Variants in RPGRIP1L observed in about 807,000 individuals in gnomAD.
The protein encoded by RPGRIP1L is protein fantom.
RPGRIP1L carries 131 observed loss-of-function variants against 160.4 expected under a neutral mutation model. The ratio of observed to expected loss-of-function variants is 0.82; its 90% CI spans 0.71 to 0.94. The LOEUF (loss-of-function observed/expected upper bound fraction) is 0.94. RPGRIP1L is among the 40% of genes least tolerant of loss of function. The probability of loss-of-function intolerance (pLI) is 0.00; values close to 1 mark genes in which losing one functional copy is unlikely to be tolerated. For missense variants in RPGRIP1L, 1,522 were observed against 1,535.8 expected (o/e 0.99, Z 0.15); for synonymous variants, 510 against 515.8 (o/e 0.99, Z 0.15).
intron 8 of RPGRIP1L, among the ~76,000 whole-genome samples, chr16:53,672,419 A>C (rs1465247186): frequency 2.0e-5 from 3 of 152,156 alleles, no homozygotes; most frequent in Non-Finnish European, 4.4e-5. Context: ...AAATACTACG[A>C]TAATAGGAAG....
intron 16 of RPGRIP1L, among the ~76,000 whole-genome samples, chr16:53,646,699 T>G (rs1406146684): frequency 1.3e-5 from 2 of 152,202 alleles, no homozygotes; most frequent in Non-Finnish European, 2.9e-5. Context: ...TGATGTAATC[T>G]GGAACAAAGA....
chr16:53,667,066 A>G lies in RPGRIP1L; in HGVS notation c.1104-2057T>C, dbSNP rs991019289. ...GGGCTGTACACATGATTAAATCTGC[A>G]TATGAGAACAGTCTTTGAGAACTTT... On this transcript the variant is annotated intron_variant, in intron 9 of 26. Coordinates refer to ENST00000647211, the MANE Select transcript of RPGRIP1L (RefSeq NM_015272.5). 3.3e-5 allele frequency among the ~76,000 whole-genome samples: 5 copies of G among 152,216 alleles called. No individual in the cohort carries two copies. The South Asian group carries it at 1.0e-3, about 32-fold the overall frequency.
At chr16:53,619,891 T>C (rs1439142982) in intron 23 of RPGRIP1L, among the ~76,000 whole-genome samples, 2 of 152,220 alleles carry the variant, frequency 1.3e-5, no homozygotes, top group South Asian at 2.1e-4. Context: ...CCTTGCTTAA[T>C]AGATTTTGGT....
rs139802124 is a variant in RPGRIP1L at position 53,685,907 on chromosome 16, G to A, written c.776+526C>T. On this transcript the variant is annotated intron_variant, in intron 6 of 26. Transcript: ENST00000647211. ...ACAAAAAAAGTTTTTTAATGTCATA[G>A]ATGAAAAGGCAGCAAGGAGACTATC... Among the ~76,000 whole-genome samples the A allele has an allele frequency of 1.8e-4, 28 of 152,290 alleles. No individual in the cohort carries two copies. The East Asian group carries it at 5.2e-3, about 28-fold the overall frequency.
At chr16:53,608,324 ACTTT>A (rs1963814425) in intron 25 of RPGRIP1L, among the ~76,000 whole-genome samples, 1 of 152,122 alleles carries the variant, frequency 6.6e-6, no homozygotes, top group Admixed American at 6.5e-5. Flanking sequence ...TTTCACTGTT[ACTTT>A]CTATTTTGGC....
rs181731431 is a variant in RPGRIP1L, at chr16:53,700,726, C to G, written c.-3G>C. 53 of 1,611,316 alleles carry G rather than the reference C, an allele frequency of 3.3e-5. No homozygotes were observed. In the African/African-American group the frequency reaches 5.7e-4, roughly 17 times the overall value. On this transcript the variant is annotated 5_prime_UTR_variant, in exon 2 of 27. Transcript: ENST00000647211. ...GTCTCATCAGTTGGACCAGACATGG[C>G]CTAGCTGTGGAAAAAAGAAAATTCA... is the stretch of plus-strand genomic sequence containing the variant.
chr16:53,677,722 T>C (rs1431423972), intron 6 of RPGRIP1L, among the ~76,000 whole-genome samples: 1 of 152,166 alleles, frequency 6.6e-6, no homozygotes, highest in Non-Finnish European at 1.5e-5. Context: ...AACACGGAGC[T>C]AGGGTGTTTA....
At chr16:53,641,256 TA>T in intron 18 of RPGRIP1L, 28 bp downstream of exon 18, 1 of 1,604,860 alleles carries the variant, frequency 6.2e-7, no homozygotes, top group Non-Finnish European at 8.5e-7. Context: ...TTTATACTTG[TA>T]AAAAAATTAA....
intron 26 of RPGRIP1L, among the ~76,000 whole-genome samples, chr16:53,605,125 G>A (rs901897636): frequency 6.6e-6 from 1 of 151,898 alleles, no homozygotes; most frequent in African/African-American, 2.4e-5. Context: ...AGGCTGCAGT[G>A]AGCCAAGACT....
chr16:53,656,876 C>T (rs564724171), intron 13 of RPGRIP1L, among the ~76,000 whole-genome samples: 2 of 152,152 alleles, frequency 1.3e-5, no homozygotes. Context: ...ATAACTCACT[C>T]GCAGAATGTG....
intron 6 of RPGRIP1L, among the ~76,000 whole-genome samples, chr16:53,679,893 T>C (rs1204797925): frequency 2.6e-5 from 4 of 152,176 alleles, no homozygotes; most frequent in African/African-American, 9.6e-5. Context: ...TTCAGGTGGT[T>C]AACTGAGGCT....
chr16:53,613,151 A>C (rs1359294965), intron 24 of RPGRIP1L, among the ~76,000 whole-genome samples: 1 of 152,172 alleles, frequency 6.6e-6, no homozygotes, highest in African/African-American at 2.4e-5. Context: ...TTATCCACTT[A>C]TCCTGTGATA....
At chr16:53,608,068 C>T in intron 25 of RPGRIP1L, 2 of 524,294 alleles carry the variant, frequency 3.8e-6, no homozygotes, top group Non-Finnish European at 4.9e-6. Flanking sequence ...TGAGCTACTC[C>T]TGCCTCCTCT....
chr16:53,697,981 C>T (rs375700909), intron 2 of RPGRIP1L, among the ~76,000 whole-genome samples: 30 of 149,220 alleles, frequency 2.0e-4, no homozygotes, highest in Admixed American at 2.0e-4. Flanking sequence ...GGCCGCCCAT[C>T]GTCTGAGATG....
intron 14 of RPGRIP1L, among the ~76,000 whole-genome samples, chr16:53,654,691 G>A (rs1171986342): frequency 6.6e-6 from 1 of 152,214 alleles, no homozygotes; most frequent in Non-Finnish European, 1.5e-5. Flanking sequence ...TGCTTAGGAT[G>A]CATTAGGGGC....
At position 53,696,150 on chromosome 16, in the gene RPGRIP1L, C is replaced by T. The variant is rs786204135; in HGVS notation, c.230+1G>A. On this transcript the variant is annotated splice_donor_variant, in intron 3 of 26. Transcript: ENST00000647211. LOFTEE classifies it high-confidence loss of function. The stretch of plus-strand genomic sequence containing the variant: ...AAAAGCTAAAAGCTTTTTATCATAA[C>T]CTTTTAATTTTATCCTCCTGCTTGC... 1.9e-6 allele frequency: 3 copies of T among 1,613,508 alleles called. No individual in the cohort carries two copies. Among genetic ancestry groups the T allele is most frequent in the African/African-American group, 2.7e-5 (2 of 74,900 alleles).
In RPGRIP1L at chr16:53,607,909, C is replaced by A. The variant is rs79533311; in HGVS notation, c.3702-2295G>T. 3.6e-3 allele frequency: 3,016 copies of A among 839,132 alleles called. 7 individuals are homozygous for A. The highest frequency in any genetic ancestry group is 0.015 in the Middle Eastern group (25 of 1,654). The allele number at this position is 839,132 out of a possible 1,614,324, so 52.0% of individuals were successfully genotyped here. A position where few individuals can be genotyped will look rare whatever the true frequency, so the allele number is the denominator to read the frequency against. On this transcript the variant is annotated intron_variant, in intron 25 of 26. Transcript: ENST00000647211. ...ATAACGAAAAGACACACACACAAAT[C>A]TTTTATCTTACTTTCAACACTGCCA...
At chr16:53,666,815 T>G (rs946637008) in intron 9 of RPGRIP1L, among the ~76,000 whole-genome samples, 2 of 152,092 alleles carry the variant, frequency 1.3e-5, no homozygotes, top group East Asian at 3.8e-4. Flanking sequence ...GTGTTTAAAT[T>G]AAGAACAATT....
chr16:53,612,940 C>T (rs1964147436), intron 24 of RPGRIP1L, among the ~76,000 whole-genome samples: 3 of 152,088 alleles, frequency 2.0e-5, no homozygotes, highest in Non-Finnish European at 4.4e-5. Flanking sequence ...TGGTAACCAC[C>T]ATTCCATTTT....
Sources: gnomAD v4.1 joint callset for allele counts (sites outside exome capture counted in the v4.1 genomes callset) on GRCh38, gnomAD v4.1.1 for gene constraint, MANE v1.5 for transcripts, NCBI Gene and HGNC (gene_info 2026-07-23, HGNC 2026-07-21) for gene names.